The following DUS1L variants were observed in gnomAD, a reference collection of about 807,000 sequenced individuals.
DUS1L encodes the protein tRNA-dihydrouridine(16/17) synthase [NAD(P)(+)]-like.
DUS1L carries 56 observed loss-of-function variants against 61.2 expected under a neutral mutation model. That is an observed-to-expected ratio of 0.92 (90% confidence interval 0.74 to 1.14). DUS1L has a LOEUF of 1.14. Ranked by LOEUF, DUS1L falls within the 50% of genes most tolerant of loss-of-function variation. DUS1L has a pLI of 0.00. For missense variants in DUS1L, 630 were observed against 632.4 expected (o/e 1.00, Z 0.04); for synonymous variants, 278 against 259.5 (o/e 1.07, Z -0.69).
Position 82,058,805 on chromosome 17 carries a change from C to A in DUS1L, c.1182G>T (p.Lys394Asn). Residue 394 changes from lysine to asparagine, a missense_variant, in exon 12 of 14, where the codon AAG (lysine) becomes AAT (asparagine). By Grantham distance (94) the Lys-to-Asn change is moderately conservative. Coordinates refer to ENST00000306796, the MANE Select transcript of DUS1L (RefSeq NM_022156.5). Reference protein sequence around the residue: ...FDPSLKPKYAKCDQCGNPKGN... With the variant: ...FDPSLKPKYANCDQCGNPKGN... ...CCTTTGGGTTTCCACACTGGTCACA[C>A]TTTGCATATTTTGCTAGGAAAAGAA... 1 of 1,613,416 alleles carries A rather than the reference C, an allele frequency of 6.2e-7. No homozygotes were observed. The highest frequency in any genetic ancestry group is 8.5e-7 in the Non-Finnish European group (1 of 1,179,890).
intron 6 of DUS1L, 62 bp downstream of exon 6, chr17:82,061,839 T>G: frequency 1.3e-6 from 2 of 1,587,434 alleles, no homozygotes; most frequent in Non-Finnish European, 1.7e-6. Flanking sequence ...CCCTGAGGTG[T>G]GGAGCTGGGA....
At chr17:82,060,377 G>A in intron 10 of DUS1L, 1 of 580,164 alleles carries the variant, frequency 1.7e-6, no homozygotes. Flanking sequence ...CCCAGCAGAA[G>A]CTGGGGTCAA....
In DUS1L at chr17:82,057,830, C is replaced by T. The variant is rs1347472126; in HGVS notation, c.*285G>A. The T allele has an allele frequency of 3.2e-6, 1 of 314,200 alleles. No homozygotes were observed. Among genetic ancestry groups the T allele is most frequent in the Non-Finnish European group, 5.8e-6 (1 of 171,628 alleles). The allele number at this position is 314,200 out of a possible 1,614,324, so 19.5% of individuals were successfully genotyped here. A position where few individuals can be genotyped will look rare whatever the true frequency, so the allele number is the denominator to read the frequency against. ...GGCCCCAACCGCACCTGCCCCGGCTCATGCCTCCCTGGGTCTGAGAGGGCA... is the reference window on the plus strand; with the variant it reads ...GGCCCCAACCGCACCTGCCCCGGCTTATGCCTCCCTGGGTCTGAGAGGGCA... On this transcript the variant is annotated 3_prime_UTR_variant, in exon 14 of 14. Coordinates refer to ENST00000306796, the MANE Select transcript of DUS1L (RefSeq NM_022156.5).
At chr17:82,063,023 A>C in intron 4 of DUS1L, 50 bp from the exon 5 acceptor site, 1 of 1,516,516 alleles carries the variant, frequency 6.6e-7, no homozygotes, top group Non-Finnish European at 9.1e-7. Flanking sequence ...TTCCCACTTT[A>C]GCGGCCAAGC....
intron 5 of DUS1L, among the ~76,000 whole-genome samples, chr17:82,062,553 G>C (rs1011851158): frequency 5.9e-5 from 9 of 152,262 alleles, no homozygotes; most frequent in African/African-American, 1.9e-4. Context: ...ACCCTCTAGG[G>C]AGACTGGATG....
At chr17:82,059,828 G>T in intron 11 of DUS1L, 120 bp downstream of exon 11, 1 of 1,444,984 alleles carries the variant, frequency 6.9e-7, no homozygotes, top group Non-Finnish European at 9.5e-7. Context: ...CCAGGTGTCT[G>T]CTTCCAGCTC....
intron 5 of DUS1L, 133 bp downstream of exon 5, chr17:82,062,728 G>T: frequency 1.4e-6 from 1 of 730,260 alleles, no homozygotes; most frequent in Non-Finnish European, 2.3e-6. Flanking sequence ...AGTGGGGACA[G>T]GCCAGTCAGG....
chr17:82,057,724 G>A lies in DUS1L; in HGVS notation c.*391C>T, dbSNP rs2033107806. On this transcript the variant is annotated 3_prime_UTR_variant, in exon 14 of 14. Transcript: ENST00000306796. ...CTATGGAGGCGCCTAGGGGAGGTGG[G>A]GAGGGGACCTAAGCCCCCACTTTTG... 1 of 200,326 alleles carries A rather than the reference G, an allele frequency of 5.0e-6. No individual in the cohort carries two copies. Among genetic ancestry groups the A allele is most frequent in the Non-Finnish European group, 1.0e-5 (1 of 97,068 alleles). 12.4% of individuals were successfully genotyped at this position (200,326 alleles called of 1,614,324 possible).
chr17:82,059,436 G>A (rs761788518), intron 11 of DUS1L: 1 of 166,386 alleles, frequency 6.0e-6, no homozygotes, highest in African/African-American at 2.4e-5. Context: ...CACCTGTTGA[G>A]GGCCCAGATG....
intron 5 of DUS1L, among the ~76,000 whole-genome samples, chr17:82,062,529 G>A (rs1347228354): frequency 1.3e-5 from 2 of 152,238 alleles, no homozygotes; most frequent in South Asian, 2.1e-4. Context: ...TGACAGCCTG[G>A]TGGCCCCTTC....
intron 4 of DUS1L, 51 bp downstream of exon 4, chr17:82,063,417 T>A: frequency 6.2e-7 from 1 of 1,612,340 alleles, no homozygotes. Context: ...TGCCCATGTG[T>A]CCCTCTTGAG....
chr17:82,064,859 G>T lies in DUS1L; in HGVS notation c.201C>A (p.Cys67Ter). 1 of 1,612,296 alleles carries T rather than the reference G, an allele frequency of 6.2e-7. No individual in the cohort carries two copies. Among genetic ancestry groups the T allele is most frequent in the Non-Finnish European group, 8.5e-7 (1 of 1,179,790 alleles). The part of the protein sequence containing the change: ...DANYRKENLY[C>*]EVCPEDRPLI... ...GGGGCCGGTCCTCGGGGCACACCTC[G>T]CAGTACAGGTTCTCCTTCCGGTAGT... Residue 67 changes from cysteine to a stop codon, truncating the protein, a stop_gained, in exon 2 of 14, where the codon TGC (cysteine) becomes TGA (stop). Transcript: ENST00000306796. LOFTEE classifies it high-confidence loss of function.
chr17:82,064,320 C>T, intron 2 of DUS1L, 86 bp from the exon 3 acceptor site: 1 of 1,189,746 alleles, frequency 8.4e-7, no homozygotes, highest in Non-Finnish European at 1.2e-6. Flanking sequence ...AGTGTGACCC[C>T]ATGAGGGTGT....
rs1234898054 is a variant in DUS1L, at chr17:82,057,647, G to C, written c.*468C>G. The C allele has an allele frequency of 1.1e-4, 28 of 249,074 alleles. No homozygotes were observed. The South Asian group carries it at 1.2e-3, about 10-fold the overall frequency. 15.4% of individuals were successfully genotyped at this position (249,074 alleles called of 1,614,324 possible). Reference sequence around the variant, plus strand: ...CAGCCACTGTGGCCTCGCAGGCGGTGCTTCCAAGGCTGTGAGGCATCACGA... The same window carrying C: ...CAGCCACTGTGGCCTCGCAGGCGGTCCTTCCAAGGCTGTGAGGCATCACGA... On this transcript the variant is annotated 3_prime_UTR_variant, in exon 14 of 14. Transcript: ENST00000306796.
rs1419176616 is a variant in DUS1L at position 82,060,577 on chromosome 17, C to T, written c.1022+124G>A. ...GGAGCCGAGGCCTCCCTCCTCCTTTCCCTTGGGCAGGAGATGACTGACCAT... is the reference window on the plus strand; with the variant it reads ...GGAGCCGAGGCCTCCCTCCTCCTTTTCCTTGGGCAGGAGATGACTGACCAT... On this transcript the variant is annotated intron_variant, in intron 10 of 13. Coordinates refer to ENST00000306796, the MANE Select transcript of DUS1L (RefSeq NM_022156.5). 6 of 1,286,648 alleles carry T rather than the reference C, an allele frequency of 4.7e-6. No individual in the cohort carries two copies. In the African/African-American group the frequency reaches 5.9e-5, roughly 13 times the overall value. 79.7% of individuals were successfully genotyped at this position (1,286,648 alleles called of 1,614,324 possible). A position where few individuals can be genotyped will look rare whatever the true frequency, so the allele number is the denominator to read the frequency against.
chr17:82,061,158 A>G (rs1411093429), intron 8 of DUS1L, 51 bp downstream of exon 8: 1 of 1,558,842 alleles, frequency 6.4e-7, no homozygotes, highest in Non-Finnish European at 8.7e-7. Context: ...GTCTGACGGA[A>G]TCTGCCTGGG....
intron 4 of DUS1L, 95 bp downstream of exon 4, chr17:82,063,373 C>A: frequency 6.4e-7 from 1 of 1,554,408 alleles, no homozygotes; most frequent in Non-Finnish European, 8.8e-7. Context: ...CCTGCCAACG[C>A]CTGTCCTCTC....
At position 82,061,362 on chromosome 17, in the gene DUS1L, G is replaced by C. The variant is rs376595282; in HGVS notation, c.698-9C>G. 8 of 1,561,092 alleles carry C rather than the reference G, an allele frequency of 5.1e-6. No homozygotes were observed. The East Asian group carries it at 6.8e-5, about 13-fold the overall frequency. The stretch of plus-strand genomic sequence containing the variant: ...GTTGTGCAGGTTGCCCTCTGTGGGA[G>C]GAGGAGCGGGGAAGGACACCTCGTG... On this transcript the variant is annotated splice_polypyrimidine_tract_variant and intron_variant, in intron 7 of 13. Coordinates refer to ENST00000306796, the MANE Select transcript of DUS1L (RefSeq NM_022156.5).
chr17:82,058,738 C>T, intron 12 of DUS1L, 43 bp downstream of exon 12: 2 of 1,612,616 alleles, frequency 1.2e-6, no homozygotes, highest in Non-Finnish European at 1.7e-6. Context: ...CTGCCCACCC[C>T]CAAAGCTGAA....
Sources: allele counts gnomAD v4.1 joint callset (sites outside exome capture counted in the v4.1 genomes callset), GRCh38; gene constraint gnomAD v4.1.1; transcripts MANE v1.5; gene names NCBI Gene and HGNC (gene_info 2026-07-23, HGNC 2026-07-21).